OR14A2: variants seen among roughly 807,000 people sequenced by gnomAD.
OR14A2 encodes olfactory receptor 14A2.
For missense variants in OR14A2, 237 were observed against 152.9 expected (o/e 1.55, Z -2.90); for synonymous variants, 114 against 58.6 (o/e 1.95, Z -4.32).
chr1:247,732,370 C>G, the OR14A2 span, among the ~76,000 whole-genome samples: 2 of 152,162 alleles, frequency 1.3e-5, no homozygotes, highest in South Asian at 2.1e-4. Context: ...CTAAAATGGT[C>G]AAGCGCCCTT....
At chr1:247,736,312 G>A in the OR14A2 span, among the ~76,000 whole-genome samples, 2 of 152,082 alleles carry the variant, frequency 1.3e-5, no homozygotes, top group African/African-American at 4.8e-5. Flanking sequence ...TATCTTCCCA[G>A]CCTTCTTAGA....
chr1:247,729,625 T>G, the OR14A2 span, among the ~76,000 whole-genome samples: 1 of 152,216 alleles, frequency 6.6e-6, no homozygotes, highest in Admixed American at 6.6e-5. Flanking sequence ...CATAGTTATT[T>G]CATTTGATTT....
the OR14A2 span, among the ~76,000 whole-genome samples, chr1:247,743,498 G>A: frequency 2.0e-5 from 3 of 152,152 alleles, no homozygotes; most frequent in Admixed American, 6.5e-5. Context: ...CTATGGTTCT[G>A]CAGTTTCAGG....
chr1:247,742,072 A>G, the OR14A2 span, among the ~76,000 whole-genome samples: 5 of 152,198 alleles, frequency 3.3e-5, no homozygotes, highest in African/African-American at 1.2e-4. Flanking sequence ...AAATGTTGAA[A>G]CAAAATGTGT....
chr1:247,747,727 A>G, the OR14A2 span, among the ~76,000 whole-genome samples: 2 of 152,176 alleles, frequency 1.3e-5, no homozygotes, highest in Admixed American at 1.3e-4. Flanking sequence ...ACGTAAGTGC[A>G]GCAAGAATGA....
At chr1:247,744,859 G>GA in the OR14A2 span, among the ~76,000 whole-genome samples, 1 of 152,022 alleles carries the variant, frequency 6.6e-6, no homozygotes, top group African/African-American at 2.4e-5. This position sits in a 1 kb window ranked among gnomAD's most constrained non-coding sequence, Gnocchi z 4.3. Context: ...AGTTTTTAAA[G>GA]AAAAAGGAAC....
At chr1:247,742,476 A>G in the OR14A2 span, among the ~76,000 whole-genome samples, 13 of 152,178 alleles carry the variant, frequency 8.5e-5, no homozygotes, top group Non-Finnish European at 1.0e-4. Flanking sequence ...ACACGCACAC[A>G]CACACACCAT....
the OR14A2 span, among the ~76,000 whole-genome samples, chr1:247,730,195 C>T: frequency 6.6e-6 from 1 of 152,030 alleles, no homozygotes; most frequent in Non-Finnish European, 1.5e-5. Context: ...TGTAGATTGG[C>T]CCTCACGTAG....
the OR14A2 span, among the ~76,000 whole-genome samples, chr1:247,732,298 C>G: frequency 0.018 from 2,730 of 152,202 alleles, 83 homozygotes; most frequent in African/African-American, 0.062. Flanking sequence ...CGTAAGCTCA[C>G]CACTGTTGTG....
At chr1:247,743,668 A>C in the OR14A2 span, among the ~76,000 whole-genome samples, 1 of 152,092 alleles carries the variant, frequency 6.6e-6, no homozygotes, top group Non-Finnish European at 1.5e-5. Context: ...TGCCTCTTCA[A>C]GTTTCTTCAT....
At chr1:247,727,960 C>A (rs1660419106), upstream of OR14A2, among the ~76,000 whole-genome samples, 1 of 143,812 alleles carries the variant, frequency 7.0e-6, no homozygotes, top group Non-Finnish European at 1.5e-5. Context: ...GAGTCCAGGA[C>A]CAGATGGATT....
the OR14A2 span, among the ~76,000 whole-genome samples, chr1:247,744,922 CTA>C: frequency 6.6e-6 from 1 of 152,094 alleles, no homozygotes; most frequent in African/African-American, 2.4e-5. The surrounding 1 kb of genome is among the most constrained non-coding windows in gnomAD (Gnocchi z 4.3). Context: ...CATTGTGGAA[CTA>C]TAGGGTAATG....
exon 1 of OR14A2, chr1:247,723,990 G>T (rs1281266020): frequency 1.4e-6 from 1 of 715,552 alleles, no homozygotes. Context: ...GCAGCTTCTG[G>T]ATATTAGAAA....
At chr1:247,723,633 T>G (rs752540289) in exon 1 of OR14A2, 1 of 718,266 alleles carries the variant, frequency 1.4e-6, no homozygotes, top group South Asian at 1.5e-5. Flanking sequence ...ACACACAGAC[T>G]CCAGTATTCA....
the OR14A2 span, among the ~76,000 whole-genome samples, chr1:247,744,755 A>G: frequency 3.9e-5 from 6 of 152,160 alleles, no homozygotes; most frequent in Admixed American, 3.9e-4. The surrounding 1 kb of genome is among the most constrained non-coding windows in gnomAD (Gnocchi z 4.3). Context: ...ACATGGCTAT[A>G]TTGCATAGCC....
upstream of OR14A2, among the ~76,000 whole-genome samples, chr1:247,728,749 C>T (rs539958369): frequency 7.1e-4 from 108 of 152,166 alleles, no homozygotes; most frequent in African/African-American, 2.4e-3. Context: ...GAAATTAATA[C>T]CGTAAAATAA....
At chr1:247,747,361 T>TA in the OR14A2 span, among the ~76,000 whole-genome samples, 1 of 126,790 alleles carries the variant, frequency 7.9e-6, no homozygotes, top group Admixed American at 7.6e-5. Context: ...TGCGAAGACT[T>TA]TTTTTTTTTT....
the OR14A2 span, among the ~76,000 whole-genome samples, chr1:247,729,943 C>G: frequency 6.6e-6 from 1 of 152,044 alleles, no homozygotes; most frequent in Non-Finnish European, 1.5e-5. Context: ...GTAATAAATG[C>G]TGGCAAACAT....
exon 1 of OR14A2, chr1:247,723,748 A>G (rs986399815): frequency 1.4e-6 from 1 of 718,304 alleles, no homozygotes; most frequent in Non-Finnish European, 2.6e-6. Context: ...CATTAAAAGT[A>G]GCTGGAAGGC....
Sources: allele counts gnomAD v4.1 joint callset (sites outside exome capture counted in the v4.1 genomes callset), GRCh38; gene constraint gnomAD v4.1.1; non-coding constraint Gnocchi (gnomAD v3.1); transcripts MANE v1.5; gene names NCBI Gene and HGNC (gene_info 2026-07-23, HGNC 2026-07-21).